Variants in INSL6 observed in about 807,000 individuals in gnomAD.
INSL6 encodes insulin-like peptide INSL6.
INSL6 carries 16 observed loss-of-function variants against 9.4 expected under a neutral mutation model. The ratio of observed to expected loss-of-function variants is 1.70; its 90% confidence interval spans 1.15 to 2.59. The LOEUF is 2.59. Among genes scored for constraint, INSL6 ranks in the 30% most tolerant of loss-of-function variants. INSL6 has a pLI of 0.00. For synonymous variants in INSL6, 154 were observed against 96.9 expected (o/e 1.59, Z -3.46); for missense variants, 391 against 257.3 (o/e 1.52, Z -3.56).
the INSL6 span, among the ~76,000 whole-genome samples, chr9:5,021,453 A>C: frequency 1.3e-5 from 2 of 152,182 alleles, no homozygotes; most frequent in African/African-American, 4.8e-5. Context: ...GGAATTTTAT[A>C]ATCTTTGTCC....
At chr9:5,139,934 C>A (rs937511563) in intron 2 of INSL6, among the ~76,000 whole-genome samples, 1 of 152,088 alleles carries the variant, frequency 6.6e-6, no homozygotes, top group African/African-American at 2.4e-5. Context: ...AAAAATGTGT[C>A]AGATGTCTTT....
At chr9:5,027,981 T>C in the INSL6 span, among the ~76,000 whole-genome samples, 2,162 of 152,256 alleles carry the variant, frequency 0.014, 64 homozygotes, top group African/African-American at 0.05. Context: ...TCTTCCAAAC[T>C]CCTGTTAATG....
chr9:5,093,653 C>G, the INSL6 span, among the ~76,000 whole-genome samples: 1 of 152,208 alleles, frequency 6.6e-6, no homozygotes, highest in South Asian at 2.1e-4. Flanking sequence ...CTCCGAACAA[C>G]CTAAACTAAG....
the INSL6 span, among the ~76,000 whole-genome samples, chr9:5,101,762 T>C: frequency 6.6e-6 from 1 of 152,046 alleles, no homozygotes; most frequent in African/African-American, 2.4e-5. Context: ...GCAAACAGAG[T>C]CTGGAGTGGA....
At chr9:5,177,820 C>T (rs1825345503) in intron 1 of INSL6, among the ~76,000 whole-genome samples, 1 of 152,126 alleles carries the variant, frequency 6.6e-6, no homozygotes, top group African/African-American at 2.4e-5. Flanking sequence ...GAGGAAGGTA[C>T]CCCACAACAC....
the INSL6 span, among the ~76,000 whole-genome samples, chr9:5,063,803 A>G: frequency 6.6e-6 from 1 of 152,208 alleles, no homozygotes; most frequent in Non-Finnish European, 1.5e-5. Flanking sequence ...ATACGTCTAT[A>G]TATTTTCCCA....
the INSL6 span, among the ~76,000 whole-genome samples, chr9:5,067,834 G>A: frequency 6.6e-6 from 1 of 151,944 alleles, no homozygotes; most frequent in Non-Finnish European, 1.5e-5. Flanking sequence ...GGCAAATATA[G>A]ACAGTAACAG....
intron 2 of INSL6, among the ~76,000 whole-genome samples, chr9:5,147,513 G>C (rs886553521): frequency 2.5e-4 from 38 of 152,200 alleles, no homozygotes; most frequent in Admixed American, 2.4e-3. Flanking sequence ...AGTAGCTAGA[G>C]GCCCAGGCCT....
chr9:4,995,695 G>A, the INSL6 span, among the ~76,000 whole-genome samples: 9 of 152,130 alleles, frequency 5.9e-5, no homozygotes, highest in African/African-American at 1.9e-4. Context: ...CATATGGGAG[G>A]CATTCAAGTA....
At chr9:5,114,437 G>T in the INSL6 span, 6 of 486,622 alleles carry the variant, frequency 1.2e-5, no homozygotes, top group African/African-American at 7.8e-5. Flanking sequence ...ACCAGTGCAG[G>T]GTGACCCACA....
chr9:5,002,349 G>T, the INSL6 span, among the ~76,000 whole-genome samples: 2 of 151,620 alleles, frequency 1.3e-5, no homozygotes, highest in Non-Finnish European at 3.0e-5. Context: ...TATCATTCAG[G>T]TGAAAATAAT....
the INSL6 span, chr9:5,080,416 C>G: frequency 6.4e-7 from 1 of 1,557,430 alleles, no homozygotes; most frequent in Non-Finnish European, 8.7e-7. Flanking sequence ...ATTACTCTAT[C>G]TCTGAACTTT....
At chr9:4,999,173 T>A in the INSL6 span, among the ~76,000 whole-genome samples, 1 of 152,202 alleles carries the variant, frequency 6.6e-6, no homozygotes, top group Non-Finnish European at 1.5e-5. Context: ...CTTCTGACGC[T>A]GGCCCAAGGT....
At chr9:5,112,223 C>A in the INSL6 span, 2 of 270,710 alleles carry the variant, frequency 7.4e-6, no homozygotes, top group South Asian at 6.8e-5. Context: ...GTGGGGGCAG[C>A]ACGCAGGCCT....
At chr9:5,013,237 T>C in the INSL6 span, among the ~76,000 whole-genome samples, 5 of 152,142 alleles carry the variant, frequency 3.3e-5, no homozygotes, top group South Asian at 4.1e-4. Flanking sequence ...AAAATAGGAG[T>C]GGTCTTTAGA....
the INSL6 span, among the ~76,000 whole-genome samples, chr9:5,038,862 C>T: frequency 6.6e-6 from 1 of 152,028 alleles, no homozygotes. Flanking sequence ...TTCCAAAAAT[C>T]AATCAATGTA....
intron 3 of INSL6, among the ~76,000 whole-genome samples, chr9:5,130,918 A>G (rs1824264789): frequency 6.6e-6 from 1 of 150,752 alleles, no homozygotes; most frequent in Admixed American, 6.6e-5. Context: ...TTTAGTAGAG[A>G]CGGGGTTTCA....
At chr9:5,135,024 G>T in intron 2 of INSL6, among the ~76,000 whole-genome samples, 1 of 152,080 alleles carries the variant, frequency 6.6e-6, no homozygotes, top group Admixed American at 6.6e-5. Flanking sequence ...AGAAAAAGCA[G>T]GGGTTGCAAT....
At chr9:5,044,571 CTGTT>C in the INSL6 span, 1 of 1,151,420 alleles carries the variant, frequency 8.7e-7, no homozygotes. Flanking sequence ...AAATATCTTG[CTGTT>C]TAATAAGTCA....
Sources: gnomAD v4.1 joint callset for allele counts (sites outside exome capture counted in the v4.1 genomes callset) on GRCh38, gnomAD v4.1.1 for gene constraint, MANE v1.5 for transcripts, NCBI Gene and HGNC (gene_info 2026-07-23, HGNC 2026-07-21) for gene names.